The following AGK variants were observed in gnomAD, a reference collection of about 807,000 sequenced individuals.
The protein encoded by AGK is acylglycerol kinase, mitochondrial.
In AGK, 52 loss-of-function variants were observed where a neutral mutation model predicts 66.4. The ratio of observed to expected loss-of-function variants is 0.78; its 90% CI spans 0.63 to 0.99. The LOEUF (loss-of-function observed/expected upper bound fraction) is 0.99. Among genes scored for constraint, AGK ranks in the 50% least tolerant of loss-of-function variants. The probability of loss-of-function intolerance (pLI) is 0.00; values close to 1 mark genes in which losing one functional copy is unlikely to be tolerated. For synonymous variants in AGK, 182 were observed against 181.1 expected, an observed-to-expected ratio of 1.00 and a Z score of -0.04; for missense variants, 451 against 506.6, an observed-to-expected ratio of 0.89 and a Z score of 1.05.
At chr7:141,586,369 C>T (rs1386153867) in intron 2 of AGK, among the ~76,000 whole-genome samples, 1 of 152,168 alleles carries the variant, frequency 6.6e-6, no homozygotes, top group Non-Finnish European at 1.5e-5. Context: ...AATGCCAAAT[C>T]CTCATACAAA....
At chr7:141,589,460 CTT>C (rs1473614167) in intron 2 of AGK, among the ~76,000 whole-genome samples, 18 of 152,006 alleles carry the variant, frequency 1.2e-4, no homozygotes, top group Admixed American at 1.2e-3. Flanking sequence ...TGGGAGAAAT[CTT>C]TTTTCTTTGA....
rs58292692 is a variant in AGK at position 141,575,654 on chromosome 7, C to CTTTTT, written c.102-17467_102-17463dup. 1.3e-3 allele frequency among the ~76,000 whole-genome samples: 76 copies of CTTTTT among 58,244 alleles called. 6 individuals carry two copies. The highest frequency in any genetic ancestry group is 1.7e-3 in the Non-Finnish European group (50 of 30,226). The allele number at this position is 58,244 out of a possible 152,430, so 38.2% of individuals were successfully genotyped here. A position where few individuals can be genotyped will look rare whatever the true frequency, so the allele number is the denominator to read the frequency against. On this transcript the variant is annotated intron_variant, in intron 2 of 15. Coordinates refer to ENST00000649286, the MANE Select transcript of AGK (RefSeq NM_018238.4). ...GGGCTTAGATGCCTTTTACAAAGGC[C>CTTTTT]TTTTTTTTTTTTTTTTTTTTTTTTT...
intron 2 of AGK, among the ~76,000 whole-genome samples, chr7:141,574,444 C>T (rs1412867634): frequency 2.0e-5 from 3 of 152,080 alleles, no homozygotes; most frequent in Non-Finnish European, 4.4e-5. Flanking sequence ...TGATATCTCG[C>T]GGAGACCTGA....
intron 4 of AGK, chr7:141,599,365 A>G (rs573638858): frequency 6.6e-6 from 1 of 152,222 alleles, no homozygotes; most frequent in South Asian, 2.1e-4. Flanking sequence ...GTTTTTATTT[A>G]GCCTCGGTGT....
At chr7:141,641,519 T>G in intron 12 of AGK, 121 bp downstream of exon 12, 2 of 1,157,458 alleles carry the variant, frequency 1.7e-6, no homozygotes, top group Non-Finnish European at 2.4e-6. Flanking sequence ...CAGGGATCAC[T>G]GAATTCATCC....
chr7:141,605,990 T>TA (rs1471586211), intron 5 of AGK, among the ~76,000 whole-genome samples: 2 of 152,208 alleles, frequency 1.3e-5, no homozygotes, highest in African/African-American at 4.8e-5. Flanking sequence ...AATATCAAAT[T>TA]ACCTGGAAAT....
intron 2 of AGK, among the ~76,000 whole-genome samples, chr7:141,566,350 T>C (rs1795467764): frequency 6.6e-6 from 1 of 152,226 alleles, no homozygotes; most frequent in Admixed American, 6.5e-5. Context: ...AGTGTTGTCC[T>C]GCAGGCCCAG....
intron 9 of AGK, among the ~76,000 whole-genome samples, chr7:141,628,179 CT>C (rs1433538202): frequency 6.6e-6 from 1 of 152,182 alleles, no homozygotes; most frequent in Non-Finnish European, 1.5e-5. Flanking sequence ...CGCACCTGGC[CT>C]GTGCTTATAT....
At chr7:141,575,653 C>CTTT (rs1795719343) in intron 2 of AGK, among the ~76,000 whole-genome samples, 4 of 109,656 alleles carry the variant, frequency 3.6e-5, no homozygotes, top group Non-Finnish European at 5.4e-5. Context: ...TTTACAAAGG[C>CTTT]CTTTTTTTTT....
Position 141,557,301 on chromosome 7 carries a change from C to G in AGK, c.101+1734C>G, listed in dbSNP as rs565872329. Among the ~76,000 whole-genome samples the G allele has an allele frequency of 2.0e-5, 3 of 152,218 alleles. No homozygotes were observed. In the East Asian group the frequency reaches 5.8e-4, roughly 29 times the overall value. On this transcript the variant is annotated intron_variant, in intron 2 of 15. Transcript: ENST00000649286. Reference sequence around the variant, plus strand: ...AGGCCAGGCATTCAAATTCCATTAGCCAGCATCTAAGGAAAAAAGCAGACA... The same window carrying G: ...AGGCCAGGCATTCAAATTCCATTAGGCAGCATCTAAGGAAAAAAGCAGACA...
Position 141,653,596 on chromosome 7 carries a change from T to C in AGK, c.*672T>C, listed in dbSNP as rs1797615786. 6.6e-6 allele frequency: 1 copy of C among 152,224 alleles called. No individual in the cohort carries two copies. Among genetic ancestry groups the C allele is most frequent in the Non-Finnish European group, 1.5e-5 (1 of 68,038 alleles). The allele number at this position is 152,224 out of a possible 1,614,324, so 9.4% of individuals were successfully genotyped here. ...AAACCTAATAACCCAAATTTGGGGA[T>C]GGGGCCCAGGAATATGCATTTTTAA... On this transcript the variant is annotated 3_prime_UTR_variant, in exon 16 of 16. Transcript: ENST00000649286.
intron 10 of AGK, 96 bp from the exon 11 acceptor site, chr7:141,636,864 G>A (rs1023400622): frequency 1.0e-6 from 1 of 969,606 alleles, no homozygotes; most frequent in Non-Finnish European, 1.6e-6. Flanking sequence ...TCATAGCAGA[G>A]ATGTAATTCT....
At chr7:141,630,910 T>C (rs999327908) in intron 9 of AGK, among the ~76,000 whole-genome samples, 1 of 152,208 alleles carries the variant, frequency 6.6e-6, no homozygotes, top group Non-Finnish European at 1.5e-5. Context: ...GGAGGGAATG[T>C]AAGTGCTTCG....
intron 9 of AGK, among the ~76,000 whole-genome samples, chr7:141,632,629 A>G (rs970713391): frequency 2.0e-5 from 3 of 152,230 alleles, no homozygotes; most frequent in Admixed American, 2.0e-4. Flanking sequence ...AAGATGACTC[A>G]AAGCCCTGTT....
chr7:141,650,461 T>G, intron 14 of AGK: 2 of 978,570 alleles, frequency 2.0e-6, no homozygotes, highest in Non-Finnish European at 2.4e-6. Flanking sequence ...AGTGTCCTTC[T>G]GTTCTCTACA....
intron 13 of AGK, chr7:141,649,039 A>G (rs1048039818): frequency 8.0e-6 from 3 of 373,100 alleles, no homozygotes; most frequent in Non-Finnish European, 1.4e-5. Context: ...TAAAAAAAAA[A>G]GCCAAGCAAT....
At chr7:141,614,973 G>T (rs568081786) in intron 7 of AGK, among the ~76,000 whole-genome samples, 7 of 152,092 alleles carry the variant, frequency 4.6e-5, no homozygotes, top group Non-Finnish European at 7.4e-5. Flanking sequence ...TGTATGTGTG[G>T]CATTTAATTA....
At chr7:141,566,394 T>G (rs1215661992) in intron 2 of AGK, among the ~76,000 whole-genome samples, 1 of 152,180 alleles carries the variant, frequency 6.6e-6, no homozygotes, top group Non-Finnish European at 1.5e-5. Flanking sequence ...ATTTTATTTA[T>G]GAAAGATGGA....
intron 5 of AGK, among the ~76,000 whole-genome samples, chr7:141,602,680 C>T (rs1562970112): frequency 1.3e-5 from 2 of 151,758 alleles, no homozygotes; most frequent in African/African-American, 4.8e-5. Flanking sequence ...CATTTCTGAT[C>T]TTTTTTTATT....
Sources: gnomAD v4.1 joint callset for allele counts (sites outside exome capture counted in the v4.1 genomes callset) on GRCh38, gnomAD v4.1.1 for gene constraint, MANE v1.5 for transcripts, NCBI Gene and HGNC (gene_info 2026-07-23, HGNC 2026-07-21) for gene names.